WNK1: variants seen among roughly 807,000 people sequenced by gnomAD.
WNK1 encodes serine/threonine-protein kinase WNK1.
Under a neutral mutation model 222.8 loss-of-function variants are expected in WNK1, and 38 were observed. The observed-to-expected ratio is 0.17, with a 90% CI of 0.13 to 0.22. WNK1 has a LOEUF of 0.22. WNK1 is among the 10% of genes least tolerant of loss of function. The pLI is 1.00. For missense variants in WNK1, 2,348 were observed against 2,918.4 expected, an observed-to-expected ratio of 0.80 and a Z score of 4.50; for synonymous variants, 1,090 against 1,092.9, an observed-to-expected ratio of 1.00 and a Z score of 0.05.
Position 896,570 on chromosome 12 carries a change from G to A in WNK1, c.6083G>A (p.Gly2028Asp). 6.2e-7 allele frequency: 1 copy of A among 1,612,606 alleles called. No individual in the cohort carries two copies. Among genetic ancestry groups the A allele is most frequent in the Non-Finnish European group, 8.5e-7 (1 of 1,179,558 alleles). The change falls in exon 24 of 28, where the codon GGT becomes GAT. Residue 2028 changes from glycine (G) to aspartate (D), a missense_variant. Coordinates refer to ENST00000315939, the MANE Select transcript of WNK1 (RefSeq NM_018979.4). ...FLSRDVDDGSGSPHSPHQLSS... is the reference protein window; with the variant it reads ...FLSRDVDDGSDSPHSPHQLSS... ...AGTAGGGATGTGGATGATGGTTCCGGTAGTCCACACTCGCCCCATCAGCTG... is the reference window on the plus strand; with the variant it reads ...AGTAGGGATGTGGATGATGGTTCCGATAGTCCACACTCGCCCCATCAGCTG...
intron 26 of WNK1, among the ~76,000 whole-genome samples, chr12:907,519 G>A (rs764460244): frequency 3.3e-5 from 5 of 152,182 alleles, no homozygotes; most frequent in Non-Finnish European, 7.3e-5. Context: ...CATCAGCAAC[G>A]TGATGCTGGG....
At chr12:899,603 C>G (rs1955055299) in intron 25 of WNK1, among the ~76,000 whole-genome samples, 2 of 152,126 alleles carry the variant, frequency 1.3e-5, no homozygotes, top group South Asian at 4.1e-4. Flanking sequence ...AAATTCTAAT[C>G]CTAATTTTGA....
rs907389051 is a variant in WNK1 at position 910,291 on chromosome 12, T to TATC, written c.*1500_*1502dup. On this transcript the variant is annotated 3_prime_UTR_variant, in exon 28 of 28. Transcript: ENST00000315939. ...ACATTTTGTGGAAAGTTAATCTATC[T>TATC]ATCTTTCCACATCTGAATTAATCAT... The TATC allele has an allele frequency of 3.5e-5, 5 of 142,298 alleles. No homozygotes were observed. Among genetic ancestry groups the TATC allele is most frequent in the African/African-American group, 1.3e-4 (5 of 39,364 alleles). The allele number at this position is 142,298 out of a possible 1,614,324, so 8.8% of individuals were successfully genotyped here.
rs1435740135 is a variant in WNK1, at chr12:885,208, T to C, written c.4404T>C (p.Gly1468=). Residue 1468 remains glycine (G), a synonymous_variant, in exon 19 of 28, where the codon GGT becomes GGC. Coordinates refer to ENST00000315939, the MANE Select transcript of WNK1 (RefSeq NM_018979.4). ...ASAGGSTATP[G]PKPPAVVSQQ... is the part of the protein sequence containing the mutation. ...CAGGGGGCAGTACTGCTACCCCAGG[T>C]CCTAAGCCTCCAGCTGTAGTATCTC... is the stretch of plus-strand genomic sequence containing the variant. 6.2e-7 allele frequency: 1 copy of C among 1,614,140 alleles called. No homozygotes were observed. Among genetic ancestry groups the C allele is most frequent in the South Asian group, 1.1e-5 (1 of 91,084 alleles).
intron 2 of WNK1, among the ~76,000 whole-genome samples, chr12:825,251 C>T (rs868414162): frequency 6.6e-6 from 1 of 152,122 alleles, no homozygotes; most frequent in African/African-American, 2.4e-5. Context: ...CCATAAAACC[C>T]ACTTTTGCTA....
intron 3 of WNK1, among the ~76,000 whole-genome samples, chr12:828,160 G>A (rs534437587): frequency 6.6e-6 from 1 of 150,536 alleles, no homozygotes; most frequent in African/African-American, 2.4e-5. Flanking sequence ...AAAAAAATTA[G>A]CCGGGTGTGG....
intron 1 of WNK1, among the ~76,000 whole-genome samples, chr12:759,114 T>C (rs1042688834): frequency 2.7e-5 from 4 of 147,264 alleles, no homozygotes; most frequent in African/African-American, 9.7e-5. Flanking sequence ...GAAATCATCC[T>C]AAACCTGTTA....
chr12:832,205 A>G (rs1205389955), intron 4 of WNK1, among the ~76,000 whole-genome samples: 1 of 152,108 alleles, frequency 6.6e-6, no homozygotes, highest in Non-Finnish European at 1.5e-5. Flanking sequence ...CCTCCCAAGT[A>G]GCTGGGACTA....
chr12:907,503 C>T (rs1955807749), intron 26 of WNK1, among the ~76,000 whole-genome samples: 4 of 152,340 alleles, frequency 2.6e-5, no homozygotes, highest in Admixed American at 2.0e-4. Flanking sequence ...GATTGTATCA[C>T]ACCTCCATCA....
At chr12:854,420 C>T (rs971371190) in intron 4 of WNK1, among the ~76,000 whole-genome samples, 2 of 135,720 alleles carry the variant, frequency 1.5e-5, no homozygotes, top group Non-Finnish European at 3.1e-5. Context: ...TGCAGTGGCA[C>T]TATCTGGGCT....
chr12:770,269 C>T (rs1488125172), intron 1 of WNK1, among the ~76,000 whole-genome samples: 2 of 152,140 alleles, frequency 1.3e-5, no homozygotes, highest in South Asian at 2.1e-4. Context: ...CCACTGCGCC[C>T]GGCCAGGAAT....
chr12:868,177 G>T lies in WNK1; in HGVS notation c.2140-3088G>T, dbSNP rs2154071599. 2 of 1,613,964 alleles carry T rather than the reference G, an allele frequency of 1.2e-6. No homozygotes were observed. The highest frequency in any genetic ancestry group is 1.7e-6 in the Non-Finnish European group (2 of 1,179,860). On this transcript the variant is annotated intron_variant, in intron 8 of 27. Coordinates refer to ENST00000315939, the MANE Select transcript of WNK1 (RefSeq NM_018979.4). ...TAACTGGAGAGTCATGTGAGATACA[G>T]GTCCATCCTATGTTTGAACCATCTC...
intron 9 of WNK1, among the ~76,000 whole-genome samples, chr12:875,851 A>G (rs567483678): frequency 6.6e-6 from 1 of 152,352 alleles, no homozygotes; most frequent in African/African-American, 2.4e-5. Context: ...TTAATATGCA[A>G]TCTTATTTAC....
intron 1 of WNK1, among the ~76,000 whole-genome samples, chr12:759,317 A>C (rs1027238779): frequency 2.7e-5 from 4 of 146,302 alleles, no homozygotes; most frequent in African/African-American, 9.8e-5. Context: ...AGTAACTTGC[A>C]TTTTGTTTGA....
intron 1 of WNK1, among the ~76,000 whole-genome samples, chr12:801,574 AT>A (rs35504521): frequency 0.061 from 8,218 of 133,810 alleles, 392 homozygotes; most frequent in African/African-American, 0.13. Flanking sequence ...ATGCCTGACC[AT>A]TTTTTTTTTT....
intron 4 of WNK1, among the ~76,000 whole-genome samples, chr12:833,993 C>T (rs533044991): frequency 6.6e-6 from 1 of 152,200 alleles, no homozygotes; most frequent in South Asian, 2.1e-4. Flanking sequence ...GTAATGGAGA[C>T]AAGCACTAAG....
At position 754,047 on chromosome 12, in the gene WNK1, G is replaced by A. The variant is rs1378762054; in HGVS notation, c.482G>A (p.Ser161Asn). The change falls in exon 1 of 28, where the codon AGC (serine) becomes AAC (asparagine). Residue 161 changes from serine (S) to asparagine (N), a missense_variant. This residue lies in a region of WNK1 where 185 missense variants were observed against 159.2 expected (regional missense o/e 1.16). Coordinates refer to ENST00000315939, the MANE Select transcript of WNK1 (RefSeq NM_018979.4). The stretch of plus-strand genomic sequence containing the variant: ...CCCTCGACTGTCCCCAGCAGTACCA[G>A]CAAAGACCGCCCAGTGTCCCAGCCT... ...PAPSTVPSST[S>N]KDRPVSQPSL... The A allele has an allele frequency of 5.0e-6, 8 of 1,597,236 alleles. No homozygotes were observed. Among genetic ancestry groups the A allele is most frequent in the Non-Finnish European group, 6.8e-6 (8 of 1,172,282 alleles).
chr12:797,864 G>A (rs1433609731), intron 1 of WNK1, among the ~76,000 whole-genome samples: 1 of 150,624 alleles, frequency 6.6e-6, no homozygotes, highest in Non-Finnish European at 1.5e-5. Context: ...CAGGATAATC[G>A]CTTGAACCCG....
At chr12:826,174 C>A (rs560679478) in intron 2 of WNK1, among the ~76,000 whole-genome samples, 1 of 152,214 alleles carries the variant, frequency 6.6e-6, no homozygotes, top group Admixed American at 6.5e-5. Context: ...TGTTGTATAA[C>A]GTACACCATC....
Sources: allele counts gnomAD v4.1 joint callset (sites outside exome capture counted in the v4.1 genomes callset), GRCh38; gene constraint gnomAD v4.1.1; regional missense constraint gnomAD v4.1.1; transcripts MANE v1.5; gene names NCBI Gene and HGNC (gene_info 2026-07-23, HGNC 2026-07-21).